CTNNA2: variants seen among roughly 807,000 people sequenced by gnomAD.
CTNNA2 encodes the protein catenin alpha 2, also known as catenin alpha-2.
In CTNNA2, 42 loss-of-function variants were observed where a neutral mutation model predicts 101.0. That is an observed-to-expected ratio of 0.42 (90% CI 0.32 to 0.54). The LOEUF is 0.54. Ranked by LOEUF, CTNNA2 falls within the 20% of genes least tolerant of loss-of-function variation. CTNNA2 has a pLI of 0.14. For synonymous variants in CTNNA2, 450 were observed against 456.4 expected (o/e 0.99, Z 0.18); for missense variants, 871 against 1,223.1 (o/e 0.71, Z 4.29).
At chr2:80,040,819 A>T (rs1001582017) in intron 7 of CTNNA2, among the ~76,000 whole-genome samples, 2 of 152,180 alleles carry the variant, frequency 1.3e-5, no homozygotes, top group African/African-American at 4.8e-5. Context: ...TATACTTTTG[A>T]CCTAACAGTT....
intron 2 of CTNNA2, among the ~76,000 whole-genome samples, chr2:79,686,081 C>T (rs1182527368): frequency 1.3e-5 from 2 of 151,766 alleles, no homozygotes; most frequent in East Asian, 3.9e-4. Flanking sequence ...ATTTGAAGGC[C>T]CTGACATAAG....
At chr2:80,121,836 A>G (rs1427447901) in intron 7 of CTNNA2, among the ~76,000 whole-genome samples, 2 of 152,174 alleles carry the variant, frequency 1.3e-5, no homozygotes, top group Admixed American at 6.5e-5. Context: ...CCGATGGGAA[A>G]TAAAAACGCT....
chr2:79,197,594 T>C (rs980356146), intron 1 of CTNNA2, among the ~76,000 whole-genome samples: 5 of 152,242 alleles, frequency 3.3e-5, no homozygotes, highest in Admixed American at 3.3e-4. Flanking sequence ...TTTATAATGT[T>C]AAATGATAAC....
At chr2:79,735,812 G>A (rs1447739962) in intron 2 of CTNNA2, among the ~76,000 whole-genome samples, 1 of 152,154 alleles carries the variant, frequency 6.6e-6, no homozygotes, top group Non-Finnish European at 1.5e-5. Flanking sequence ...GCATGCATCT[G>A]AATTCTATGC....
intron 2 of CTNNA2, among the ~76,000 whole-genome samples, chr2:79,277,846 CTA>C (rs1207229352): frequency 1.3e-5 from 2 of 152,000 alleles, no homozygotes; most frequent in African/African-American, 4.8e-5. Context: ...TTTATTTGCT[CTA>C]GCAAATAAAG....
At chr2:80,103,687 C>T (rs151103849) in intron 7 of CTNNA2, among the ~76,000 whole-genome samples, 15 of 152,240 alleles carry the variant, frequency 9.9e-5, no homozygotes, top group Non-Finnish European at 1.9e-4. Flanking sequence ...TCTACACAGT[C>T]CCAGTGTTGT....
intron 2 of CTNNA2, among the ~76,000 whole-genome samples, chr2:79,285,211 G>T (rs1460660724): frequency 6.6e-6 from 1 of 150,992 alleles, no homozygotes; most frequent in South Asian, 2.1e-4. Context: ...CCAGCTCCTG[G>T]ATTCATTAAT....
intron 7 of CTNNA2, among the ~76,000 whole-genome samples, chr2:80,187,729 A>G (rs1399366095): frequency 6.6e-6 from 1 of 152,176 alleles, no homozygotes; most frequent in African/African-American, 2.4e-5. Flanking sequence ...ATGGTTGGGA[A>G]TGATAGTGAG....
At chr2:79,316,818 T>A (rs1305773066) in intron 3 of CTNNA2, among the ~76,000 whole-genome samples, 1 of 151,924 alleles carries the variant, frequency 6.6e-6, no homozygotes, top group African/African-American at 2.4e-5. Context: ...TTTCATAAGA[T>A]TTTTCTATAT....
intron 1 of CTNNA2, among the ~76,000 whole-genome samples, chr2:79,548,936 C>T: frequency 6.6e-6 from 1 of 152,232 alleles, no homozygotes; most frequent in African/African-American, 2.4e-5. Context: ...TGAGCTGACC[C>T]CTGTCTGATG....
At chr2:79,861,097 A>C (rs555084541) in intron 4 of CTNNA2, among the ~76,000 whole-genome samples, 79 of 152,284 alleles carry the variant, frequency 5.2e-4, no homozygotes, top group African/African-American at 1.7e-3. Flanking sequence ...CATAGATGAG[A>C]AAGAAAAGAG....
At chr2:79,593,474 T>G (rs1238933927) in intron 1 of CTNNA2, among the ~76,000 whole-genome samples, 1 of 152,200 alleles carries the variant, frequency 6.6e-6, no homozygotes, top group Admixed American at 6.5e-5. Context: ...GACCACAGCC[T>G]TCTTTCTTTC....
At chr2:80,347,261 C>T (rs1161538619) in intron 7 of CTNNA2, among the ~76,000 whole-genome samples, 3 of 152,202 alleles carry the variant, frequency 2.0e-5, no homozygotes, top group Non-Finnish European at 4.4e-5. Flanking sequence ...ATGTATTCCT[C>T]CATGTGAACA....
chr2:79,233,043 C>T (rs372139073), intron 2 of CTNNA2, among the ~76,000 whole-genome samples: 27 of 152,004 alleles, frequency 1.8e-4, no homozygotes, highest in African/African-American at 6.0e-4. Flanking sequence ...ACTTTTGAGT[C>T]TCAGTTTCTT....
At chr2:79,988,506 G>A (rs983058973) in intron 7 of CTNNA2, among the ~76,000 whole-genome samples, 1 of 150,352 alleles carries the variant, frequency 6.7e-6, no homozygotes, top group Non-Finnish European at 1.5e-5. Context: ...GTGTGTATTA[G>A]CTTCTATGTG....
intron 7 of CTNNA2, among the ~76,000 whole-genome samples, chr2:79,910,739 T>A (rs1685731891): frequency 6.6e-6 from 1 of 152,152 alleles, no homozygotes; most frequent in Non-Finnish European, 1.5e-5. Context: ...TTAGGTATTA[T>A]TAGAACACCC....
chr2:79,200,033 GA>G (rs1674012288), intron 2 of CTNNA2, among the ~76,000 whole-genome samples: 1 of 91,662 alleles, frequency 1.1e-5, no homozygotes, highest in African/African-American at 7.4e-5. Context: ...GAATGAGACA[GA>G]GAGAGAGAGA....
intron 3 of CTNNA2, among the ~76,000 whole-genome samples, chr2:79,371,597 T>C (rs2104455100): frequency 1.3e-5 from 2 of 152,226 alleles, no homozygotes; most frequent in East Asian, 3.9e-4. Context: ...TGAGTTGGCC[T>C]GAGAAAGGTT....
intron 3 of CTNNA2, among the ~76,000 whole-genome samples, chr2:79,361,836 C>T (rs1677637309): frequency 6.6e-6 from 1 of 152,130 alleles, no homozygotes; most frequent in African/African-American, 2.4e-5. Flanking sequence ...AGAGTGTTCT[C>T]ACGTTTTTCT....
Sources: gnomAD v4.1 joint callset for allele counts (sites outside exome capture counted in the v4.1 genomes callset) on GRCh38, gnomAD v4.1.1 for gene constraint, MANE v1.5 for transcripts, NCBI Gene and HGNC (gene_info 2026-07-23, HGNC 2026-07-21) for gene names.